The following TMPRSS2 variants were observed in gnomAD, a reference collection of about 807,000 sequenced individuals.
TMPRSS2 encodes transmembrane protease serine 2.
A neutral mutation model predicts 67.4 loss-of-function variants in TMPRSS2; 59 were observed. The ratio of observed to expected loss-of-function variants is 0.88; its 90% CI spans 0.71 to 1.09. The LOEUF is 1.09. Ranked by LOEUF, TMPRSS2 falls within the 50% of genes least tolerant of loss-of-function variation. The pLI, the probability that TMPRSS2 is intolerant of heterozygous loss-of-function variation, is 0.00. For synonymous variants in TMPRSS2, 257 were observed against 257.0 expected (o/e 1.00, Z 0.00); for missense variants, 668 against 642.7 (o/e 1.04, Z -0.43).
rs532085624 is a variant in TMPRSS2, at chr21:41,494,381, G to A, written c.213C>T (p.Ser71=). 1.2e-6 allele frequency: 2 copies of A among 1,609,834 alleles called. No homozygotes were observed. The highest frequency in any genetic ancestry group is 1.7e-6 in the Non-Finnish European group (2 of 1,179,006). ...SNPVVCTQPK[S]PSGTVCTSKT... is the part of the protein sequence containing the mutation. ...TTGAGGTGCACACTGTCCCGGATGGGGATTTGGGCTGCGTGCAGACGACGG... is the reference window on the plus strand; with the variant it reads ...TTGAGGTGCACACTGTCCCGGATGGAGATTTGGGCTGCGTGCAGACGACGG... The change falls in exon 3 of 14, where the codon TCC becomes TCT. Residue 71 remains serine (S), a synonymous_variant. Coordinates refer to ENST00000332149, the MANE Select transcript of TMPRSS2 (RefSeq NM_005656.4).
chr21:41,488,627 C>T, intron 4 of TMPRSS2, 114 bp from the exon 5 acceptor site: 4 of 1,212,956 alleles, frequency 3.3e-6, no homozygotes, highest in Non-Finnish European at 4.6e-6. Context: ...AACTCCTGGC[C>T]CCACTGTGTT....
At position 41,465,994 on chromosome 21, in the gene TMPRSS2, G is replaced by C. The variant is rs2091079975; in HGVS notation, c.*148C>G. On this transcript the variant is annotated 3_prime_UTR_variant, in exon 14 of 14. Transcript: ENST00000332149. ...GAGCCACTGCAGCCTGCACAGAATG[G>C]CAGAGAGTGCCAAAGCCAGACAAGT... The C allele has an allele frequency of 1.0e-6, 1 of 969,016 alleles. No individual in the cohort carries two copies. Among genetic ancestry groups the C allele is most frequent in the Non-Finnish European group, 1.6e-6 (1 of 633,784 alleles). The allele number at this position is 969,016 out of a possible 1,614,324, so 60.0% of individuals were successfully genotyped here.
intron 11 of TMPRSS2, among the ~76,000 whole-genome samples, chr21:41,469,486 T>G (rs1321543892): frequency 6.6e-6 from 1 of 152,056 alleles, no homozygotes; most frequent in Non-Finnish European, 1.5e-5. Flanking sequence ...TTCACCATAA[T>G]CCACAAGGAC....
Position 41,473,432 on chromosome 21 carries a change from C to T in TMPRSS2, c.792G>A (p.Pro264=), listed in dbSNP as rs2298658. 690 of 1,610,178 alleles carry T rather than the reference C, an allele frequency of 4.3e-4. 6 individuals carry two copies. In the East Asian group the frequency reaches 9.1e-3, roughly 21 times the overall value. The change falls in exon 9 of 14, where the codon CCG becomes CCA. Residue 264 remains proline, a synonymous_variant. Transcript: ENST00000332149. ...SRIVGGESAL[P]GAWPWQVSLH... is the part of the protein sequence containing the mutation. Reference sequence around the variant, plus strand: ...GGCTGACCTGCCAGGGCCAGGCCCCCGGGAGCGCGCTCTCGCCGCCCACAA... The same window carrying T: ...GGCTGACCTGCCAGGGCCAGGCCCCTGGGAGCGCGCTCTCGCCGCCCACAA...
At chr21:41,472,022 A>G in intron 9 of TMPRSS2, 41 bp from the exon 10 acceptor site, 1 of 1,527,964 alleles carries the variant, frequency 6.5e-7, no homozygotes, top group Non-Finnish European at 8.8e-7. Flanking sequence ...AGCCATAAAC[A>G]CAGAGCTCTC....
chr21:41,471,681 C>G (rs567380110), intron 10 of TMPRSS2, 125 bp downstream of exon 10: 1 of 1,146,876 alleles, frequency 8.7e-7, no homozygotes, highest in East Asian at 2.5e-5. Context: ...ATTGGCCACC[C>G]GCTGCACGCT....
At chr21:41,467,921 T>C (rs1394703868) in intron 12 of TMPRSS2, 35 bp from the exon 13 acceptor site, 13 of 1,613,038 alleles carry the variant, frequency 8.1e-6, no homozygotes, top group Non-Finnish European at 8.5e-6. Flanking sequence ...GAGCAGAAAA[T>C]CAAGTCACAA....
chr21:41,468,394 A>G lies in TMPRSS2; in HGVS notation c.1314+2T>C. 1.2e-6 allele frequency: 2 copies of G among 1,614,022 alleles called. No individual in the cohort carries two copies. Among genetic ancestry groups the G allele is most frequent in the Admixed American group, 1.7e-5 (1 of 60,014 alleles). ...AAAGGTAGAATAAAAATGTTGAATTACCTGGCAAGAATCGACGTTCCCCTG... is the reference window on the plus strand; with the variant it reads ...AAAGGTAGAATAAAAATGTTGAATTGCCTGGCAAGAATCGACGTTCCCCTG... On this transcript the variant is annotated splice_donor_variant, in intron 12 of 13. Coordinates refer to ENST00000332149, the MANE Select transcript of TMPRSS2 (RefSeq NM_005656.4). LOFTEE classifies it high-confidence loss of function.
intron 12 of TMPRSS2, 55 bp from the exon 13 acceptor site, chr21:41,467,941 C>T: frequency 1.2e-6 from 2 of 1,605,500 alleles, no homozygotes; most frequent in East Asian, 2.2e-5. Flanking sequence ...ATCTGCCGCA[C>T]ACCACTGACC....
At chr21:41,470,809 C>T in intron 10 of TMPRSS2, 66 bp from the exon 11 acceptor site, 2 of 1,395,214 alleles carry the variant, frequency 1.4e-6, no homozygotes, top group Non-Finnish European at 9.9e-7. Context: ...CTGGCCTTCC[C>T]ACATGCAGGC....
chr21:41,468,199 G>T (rs1037934620), intron 12 of TMPRSS2, 197 bp downstream of exon 12: 1 of 662,926 alleles, frequency 1.5e-6, no homozygotes. Context: ...TTCAGAGGGT[G>T]TGTGTGATTT....
intron 7 of TMPRSS2, among the ~76,000 whole-genome samples, chr21:41,477,556 C>G (rs1252226167): frequency 6.6e-6 from 1 of 152,174 alleles, no homozygotes; most frequent in Non-Finnish European, 1.5e-5. Context: ...CCAACCACCC[C>G]CAAACCACCT....
intron 5 of TMPRSS2, among the ~76,000 whole-genome samples, chr21:41,485,652 GA>G (rs35871560): frequency 0.64 from 83,874 of 130,954 alleles, 26,423 homozygotes; most frequent in Non-Finnish European, 0.71. Flanking sequence ...CTGTCTCCAG[GA>G]AAAAAAAAAA....
Position 41,471,836 on chromosome 21 carries a change from TC to T in TMPRSS2, c.1044del (p.Met349Ter). 6.2e-7 allele frequency: 1 copy of T among 1,609,898 alleles called. No homozygotes were observed. Among genetic ancestry groups the T allele is most frequent in the Non-Finnish European group, 8.5e-7 (1 of 1,177,206 alleles). On this transcript the variant is annotated frameshift_variant, in exon 10 of 14. Coordinates refer to ENST00000332149, the MANE Select transcript of TMPRSS2 (RefSeq NM_005656.4). LOFTEE classifies it high-confidence loss of function. ...AAAGTCAGAGGCTTCTGCAGCTTCA[TC>T]AGCGCAATGTCATTGTTCTTGGTCT... Reference protein sequence around the residue: ...DSKTKNNDIALMKLQKPLTFN... With the variant: ...DSKTKNNDIAXMKLQKPLTFN...
chr21:41,504,586 G>C (rs913296326), intron 1 of TMPRSS2, among the ~76,000 whole-genome samples: 8 of 152,200 alleles, frequency 5.3e-5, no homozygotes, highest in African/African-American at 1.7e-4. Context: ...CCCAGCCTCT[G>C]TTCTAGGTCA....
chr21:41,489,518 A>C lies in TMPRSS2; in HGVS notation c.314T>G (p.Leu105Arg), dbSNP rs1478266728. The change falls in exon 4 of 14, where the codon CTC (leucine) becomes CGC (arginine). Residue 105 changes from leucine (L) to arginine (R), a missense_variant. Physicochemically the swap from Leu to Arg is moderately radical, Grantham distance 102. Coordinates refer to ENST00000332149, the MANE Select transcript of TMPRSS2 (RefSeq NM_005656.4). ...CTCCCTGCACTTACTGAACTTCCAGAGTAGGCCAGCGGCCAGCGCAGCTCC... is the reference window on the plus strand; with the variant it reads ...CTCCCTGCACTTACTGAACTTCCAGCGTAGGCCAGCGGCCAGCGCAGCTCC... The part of the protein sequence containing the change: ...LVGAALAAGL[L>R]WKFMGSKCSN... 1.2e-6 allele frequency: 2 copies of C among 1,614,132 alleles called. No homozygotes were observed. Among genetic ancestry groups the C allele is most frequent in the Admixed American group, 3.3e-5 (2 of 60,026 alleles).
chr21:41,483,823 T>G (rs1477209992), intron 5 of TMPRSS2, among the ~76,000 whole-genome samples: 1 of 151,400 alleles, frequency 6.6e-6, no homozygotes, highest in African/African-American at 2.4e-5. Context: ...CAAAGTATAG[T>G]TGACAAATAA....
Position 41,488,378 on chromosome 21 carries a change from G to T in TMPRSS2, c.445+16C>A, listed in dbSNP as rs760655515. The T allele has an allele frequency of 2.5e-6, 4 of 1,609,130 alleles. No individual in the cohort carries two copies. In the African/African-American group the frequency reaches 5.3e-5, roughly 22 times the overall value. On this transcript the variant is annotated intron_variant, in intron 5 of 13. Coordinates refer to ENST00000332149, the MANE Select transcript of TMPRSS2 (RefSeq NM_005656.4). Reference sequence around the variant, plus strand: ...GTGAGCAGAGGAGTCCCTTCCCAAGGTCAAGGCTGACTCACCACACCGATT... The same window carrying T: ...GTGAGCAGAGGAGTCCCTTCCCAAGTTCAAGGCTGACTCACCACACCGATT...
At chr21:41,476,300 C>G (rs2091212237) in intron 8 of TMPRSS2, among the ~76,000 whole-genome samples, 1 of 152,182 alleles carries the variant, frequency 6.6e-6, no homozygotes, top group Non-Finnish European at 1.5e-5. Flanking sequence ...GCCGGGCCTC[C>G]AGCTCATGGG....
Sources: allele counts gnomAD v4.1 joint callset (sites outside exome capture counted in the v4.1 genomes callset), GRCh38; gene constraint gnomAD v4.1.1; transcripts MANE v1.5; gene names NCBI Gene and HGNC (gene_info 2026-07-23, HGNC 2026-07-21).